Variants in RAB27A observed in about 807,000 individuals in gnomAD.
RAB27A encodes the protein RAB27A, member RAS oncogene family.
RAB27A carries 17 observed loss-of-function variants against 20.8 expected under a neutral mutation model. The observed-to-expected ratio is 0.82, with a 90% CI of 0.56 to 1.23. RAB27A has a LOEUF of 1.23. Among genes scored for constraint, RAB27A ranks in the 50% most tolerant of loss-of-function variants. RAB27A has a pLI of 0.00. For missense variants in RAB27A, 277 were observed against 266.7 expected (o/e 1.04, Z -0.27); for synonymous variants, 85 against 92.8 (o/e 0.92, Z 0.48).
intron 1 of RAB27A, among the ~76,000 whole-genome samples, chr15:55,318,475 C>T (rs1486614487): frequency 2.0e-5 from 3 of 148,948 alleles, no homozygotes; most frequent in African/African-American, 7.3e-5. Context: ...GAGGCCGAGG[C>T]GGGCGGATCA....
chr15:55,208,592 A>G (rs1168207853), intron 6 of RAB27A, among the ~76,000 whole-genome samples: 1 of 152,170 alleles, frequency 6.6e-6, no homozygotes, highest in African/African-American at 2.4e-5. Flanking sequence ...AACACACCGA[A>G]GTTCCAAGGA....
intron 2 of RAB27A, among the ~76,000 whole-genome samples, chr15:55,303,591 C>G (rs2054983989): frequency 1.1e-5 from 1 of 93,396 alleles, no homozygotes; most frequent in African/African-American, 4.4e-5. Flanking sequence ...CGGCCAGCCG[C>G]CCCGTCCGGG....
At chr15:55,210,581 T>A (rs1348541402) in intron 6 of RAB27A, among the ~76,000 whole-genome samples, 1 of 152,168 alleles carries the variant, frequency 6.6e-6, no homozygotes, top group Admixed American at 6.5e-5. Flanking sequence ...TTGAGAAATG[T>A]CTATTCAGAT....
At position 55,240,472 on chromosome 15, in the gene RAB27A, T is replaced by C. The variant is rs1000033285; in HGVS notation, c.-22-5516A>G. Among the ~76,000 whole-genome samples, 4 of 152,116 alleles carry C rather than the reference T, an allele frequency of 2.6e-5. No individual in the cohort carries two copies. In the East Asian group the frequency reaches 7.7e-4, roughly 29 times the overall value. On this transcript the variant is annotated intron_variant, in intron 2 of 6. Transcript: ENST00000336787. Reference sequence around the variant, plus strand: ...ACAATCCTCATCACTGCCCTATACATAGCATATACACTGTCTCCCTCAGAA... The same window carrying C: ...ACAATCCTCATCACTGCCCTATACACAGCATATACACTGTCTCCCTCAGAA...
chr15:55,226,359 T>C (rs565624487), intron 5 of RAB27A, among the ~76,000 whole-genome samples: 5 of 152,086 alleles, frequency 3.3e-5, no homozygotes, highest in African/African-American at 9.6e-5. Context: ...CATGGAGAGA[T>C]TGAGTGAGAG....
intron 4 of RAB27A, 41 bp downstream of exon 4, chr15:55,230,360 C>G (rs1895980371): frequency 6.5e-7 from 1 of 1,533,944 alleles, no homozygotes; most frequent in Admixed American, 1.7e-5. Context: ...ACTATTTTTC[C>G]CTTTCCTTCA....
intron 2 of RAB27A, among the ~76,000 whole-genome samples, chr15:55,312,999 C>G (rs773491190): frequency 6.6e-6 from 1 of 152,226 alleles, no homozygotes; most frequent in Middle Eastern, 3.4e-3. Context: ...CCTTGAGCCC[C>G]GGTCCCAGAA....
At chr15:55,289,645 G>A (rs1490534070) in intron 1 of RAB27A, 71 bp downstream of exon 1, 4 of 152,680 alleles carry the variant, frequency 2.6e-5, no homozygotes, top group Non-Finnish European at 5.8e-5. Context: ...CGGCCCCAGG[G>A]GGACGCCTCG....
rs142799451 is a variant in RAB27A, at chr15:55,295,966, G to A, written c.-112+18073C>T. On this transcript the variant is annotated intron_variant, in intron 2 of 5. Coordinates refer to the RAB27A transcript ENST00000563262. ...GGCTAGAGTGCAGCGGTGTGACCTC[G>A]GCTCACTGCAACCTCCGCCTTCCGG... is the stretch of plus-strand genomic sequence containing the variant. Among the ~76,000 whole-genome samples the A allele has an allele frequency of 1.9e-3, 285 of 150,386 alleles. 1 individual carries two copies. The highest frequency in any genetic ancestry group is 6.9e-3 in the Middle Eastern group (2 of 290).
intron 2 of RAB27A, among the ~76,000 whole-genome samples, chr15:55,264,751 G>A (rs1319965771): frequency 6.6e-6 from 1 of 152,186 alleles, no homozygotes; most frequent in East Asian, 1.9e-4. Flanking sequence ...ATGCCACTGA[G>A]GAGGGAGAGA....
chr15:55,251,568 G>A (rs1269711388), intron 2 of RAB27A, among the ~76,000 whole-genome samples: 2 of 152,070 alleles, frequency 1.3e-5, no homozygotes, highest in East Asian at 3.9e-4. Flanking sequence ...GTCCTGATGG[G>A]CTCAAAAATC....
chr15:55,288,366 C>T (rs1379483486), intron 1 of RAB27A, among the ~76,000 whole-genome samples: 1 of 151,862 alleles, frequency 6.6e-6, no homozygotes, highest in Non-Finnish European at 1.5e-5. Context: ...ACTAAAAATA[C>T]AAAAATTAGC....
At chr15:55,214,997 G>A (rs1337454716) in intron 6 of RAB27A, among the ~76,000 whole-genome samples, 1 of 152,130 alleles carries the variant, frequency 6.6e-6, no homozygotes, top group African/African-American at 2.4e-5. Context: ...TACTTAAGGA[G>A]AGGGTTTGAC....
chr15:55,258,461 C>T (rs1240717033), intron 2 of RAB27A, among the ~76,000 whole-genome samples: 1 of 152,186 alleles, frequency 6.6e-6, no homozygotes, highest in Non-Finnish European at 1.5e-5. Flanking sequence ...CCCTGTCCAG[C>T]CACCCTGAGG....
In RAB27A at chr15:55,262,517, G is replaced by A. The variant is rs1450801792; in HGVS notation, c.-23+7648C>T. 7.3e-4 allele frequency among the ~76,000 whole-genome samples: 108 copies of A among 148,456 alleles called. 1 individual carries two copies. Among genetic ancestry groups the A allele is most frequent in the Non-Finnish European group, 1.0e-4 (7 of 67,242 alleles). ...AGATCACGCCACTGCACTCCAGCCT[G>A]GGCAACAGAGTGAGACTCTGACTCA... On this transcript the variant is annotated intron_variant, in intron 2 of 6. Coordinates refer to ENST00000336787, the MANE Select transcript of RAB27A (RefSeq NM_183235.3).
chr15:55,216,829 A>C (rs1895328833), intron 6 of RAB27A, among the ~76,000 whole-genome samples: 1 of 151,762 alleles, frequency 6.6e-6, no homozygotes, highest in Admixed American at 6.6e-5. Context: ...TGCCTCCCTT[A>C]CTCCTCATTA....
chr15:55,266,899 A>G (rs1294134606), intron 2 of RAB27A, among the ~76,000 whole-genome samples: 2 of 152,254 alleles, frequency 1.3e-5, no homozygotes, highest in African/African-American at 4.8e-5. Context: ...AAACAGACCT[A>G]GGGCTCACAA....
chr15:55,206,150 G>T (rs557331270), intron 6 of RAB27A: 1 of 174,372 alleles, frequency 5.7e-6, no homozygotes, highest in Non-Finnish European at 1.1e-5. Context: ...GGCAGAGGTT[G>T]CAGTGAGCCA....
rs7171348 is a variant in RAB27A, at chr15:55,288,341, C to A, written c.-143+1375G>T. Among the ~76,000 whole-genome samples the A allele has an allele frequency of 9.2e-4, 140 of 151,886 alleles. 1 individual carries two copies. The highest frequency in any genetic ancestry group is 3.2e-3 in the African/African-American group (133 of 41,404). On this transcript the variant is annotated intron_variant, in intron 1 of 6. Coordinates refer to ENST00000336787, the MANE Select transcript of RAB27A (RefSeq NM_183235.3). ...TTCAAGACCAGCCTGGCCAACATAGCAAAACCCCGCCTCTACTAAAAATAC... is the reference window on the plus strand; with the variant it reads ...TTCAAGACCAGCCTGGCCAACATAGAAAAACCCCGCCTCTACTAAAAATAC...
Sources: allele counts gnomAD v4.1 joint callset (sites outside exome capture counted in the v4.1 genomes callset), GRCh38; gene constraint gnomAD v4.1.1; transcripts MANE v1.5; gene names NCBI Gene and HGNC (gene_info 2026-07-23, HGNC 2026-07-21).